The following CHN1 variants were observed in gnomAD, a reference collection of about 807,000 sequenced individuals.
CHN1 encodes the protein N-chimaerin.
Under a neutral mutation model 59.5 loss-of-function variants are expected in CHN1, and 37 were observed. The ratio of observed to expected loss-of-function variants is 0.62; its 90% confidence interval spans 0.48 to 0.82. CHN1 has a LOEUF of 0.82. Among genes scored for constraint, CHN1 ranks in the 40% least tolerant of loss-of-function variants. CHN1 has a pLI of 0.00. For missense variants in CHN1, 469 were observed against 571.0 expected (o/e 0.82, Z 1.82); for synonymous variants, 206 against 200.4 (o/e 1.03, Z -0.24).
At chr2:174,926,603 C>G (rs1689169123) in intron 3 of CHN1, among the ~76,000 whole-genome samples, 1 of 152,160 alleles carries the variant, frequency 6.6e-6, no homozygotes, top group South Asian at 2.1e-4. Flanking sequence ...AAATGCATAT[C>G]TGACTGCTTC....
Position 174,910,899 on chromosome 2 carries a change from CAAAAAAAAAAAAAAA to C in CHN1, c.260+4144_260+4158del, listed in dbSNP as rs10568066. 1.6e-4 allele frequency among the ~76,000 whole-genome samples: 12 copies of C among 76,642 alleles called. No homozygotes were observed. In the South Asian group the frequency reaches 3.0e-3, roughly 19 times the overall value. 50.3% of individuals were successfully genotyped at this position (76,642 alleles called of 152,430 possible). On this transcript the variant is annotated intron_variant, in intron 5 of 12. Transcript: ENST00000409900. ...TGGGCGACAGAACGAGACTCCGTCTCAAAAAAAAAAAAAAAAAAAAAAAAAGAGAAAGTAGATATC... is the reference window on the plus strand; with the variant it reads ...TGGGCGACAGAACGAGACTCCGTCTCAAAAAAAAAAGAGAAAGTAGATATC...
intron 3 of CHN1, among the ~76,000 whole-genome samples, chr2:174,932,724 T>A (rs1689386623): frequency 6.6e-6 from 1 of 152,146 alleles, no homozygotes; most frequent in African/African-American, 2.4e-5. Context: ...CTCACGAGAT[T>A]TGGTTGTTTA....
chr2:174,888,739 G>A (rs62183351), intron 5 of CHN1, among the ~76,000 whole-genome samples: 4,084 of 152,280 alleles, frequency 0.027, 89 homozygotes, highest in Admixed American at 0.082. Context: ...ATGGGGGAGA[G>A]CAGTGGGGAG....
At chr2:174,811,477 T>C (rs1685071924) in intron 10 of CHN1, 34 bp downstream of exon 10, 1 of 1,460,340 alleles carries the variant, frequency 6.8e-7, no homozygotes, top group Non-Finnish European at 9.5e-7. Context: ...AGAGTATTAT[T>C]GTCCTAAGTT....
chr2:174,880,134 C>T (rs1687690473), intron 5 of CHN1, among the ~76,000 whole-genome samples: 1 of 152,176 alleles, frequency 6.6e-6, no homozygotes, highest in South Asian at 2.1e-4. Context: ...CCAATTCCTG[C>T]TCCGCCTGTA....
In CHN1 at chr2:174,861,473, T is replaced by G. The variant is rs1255498571; in HGVS notation, c.550-14516A>C. Among the ~76,000 whole-genome samples the G allele has an allele frequency of 2.0e-5, 3 of 152,214 alleles. No homozygotes were observed. In the East Asian group the frequency reaches 5.8e-4, roughly 29 times the overall value. On this transcript the variant is annotated intron_variant, in intron 6 of 12. Transcript: ENST00000409900. ...GTAAGCCTCTCTGAATTCTTCAGAC[T>G]CATAGACGAGTGCCTGTCTGAATGA...
chr2:174,851,475 T>C (rs1250834675), intron 6 of CHN1, among the ~76,000 whole-genome samples: 1 of 151,884 alleles, frequency 6.6e-6, no homozygotes, highest in Non-Finnish European at 1.5e-5. Context: ...AGAGATGGAG[T>C]TTCTCCATGT....
chr2:174,802,946 G>A (rs555659232), intron 11 of CHN1, among the ~76,000 whole-genome samples: 2 of 152,296 alleles, frequency 1.3e-5, no homozygotes, highest in East Asian at 1.9e-4. Flanking sequence ...GCTGAGGCAG[G>A]AGAATTACTT....
At chr2:174,987,735 G>C (rs1189704833) in intron 1 of CHN1, among the ~76,000 whole-genome samples, 1 of 151,944 alleles carries the variant, frequency 6.6e-6, no homozygotes, top group Non-Finnish European at 1.5e-5. Flanking sequence ...TGCTTGGCAG[G>C]TTATAATATT....
intron 5 of CHN1, 35 bp downstream of exon 5, chr2:174,915,021 AAT>A: frequency 7.8e-7 from 1 of 1,281,818 alleles, no homozygotes; most frequent in Non-Finnish European, 1.1e-6. Context: ...GAGAGTTTTA[AAT>A]AAAGCACAGT....
At chr2:174,875,396 A>G (rs780866351) in intron 6 of CHN1, among the ~76,000 whole-genome samples, 2 of 152,172 alleles carry the variant, frequency 1.3e-5, no homozygotes, top group Non-Finnish European at 2.9e-5. Flanking sequence ...GGACCATATC[A>G]GGTATTCCTT....
At chr2:174,824,330 C>G (rs1054259401) in intron 8 of CHN1, 104 bp downstream of exon 8, 1 of 811,754 alleles carries the variant, frequency 1.2e-6, no homozygotes, top group African/African-American at 1.7e-5. Flanking sequence ...TAAGACCAAA[C>G]CAGGATCCAG....
chr2:174,814,959 A>AT lies in CHN1; in HGVS notation c.713-2478dup, dbSNP rs199770933. ...CACCATATTTGGGGAGTTTTCAGCT[A>AT]TTTTTTTTTTCAAATATTTTTTCAG... On this transcript the variant is annotated intron_variant, in intron 8 of 12. Transcript: ENST00000409900. Among the ~76,000 whole-genome samples, 973 of 148,556 alleles carry AT rather than the reference A, an allele frequency of 6.5e-3. 10 individuals carry two copies. Among genetic ancestry groups the AT allele is most frequent in the African/African-American group, 0.022 (897 of 40,484 alleles).
chr2:174,842,246 GGTGGT>G (rs1480424962), intron 7 of CHN1, among the ~76,000 whole-genome samples: 4 of 152,186 alleles, frequency 2.6e-5, no homozygotes, highest in Non-Finnish European at 5.9e-5. Context: ...GAGGCAAGGT[GGTGGT>G]GTGAGGGTTG....
intron 5 of CHN1, among the ~76,000 whole-genome samples, chr2:174,892,666 A>C (rs2105348401): frequency 6.6e-6 from 1 of 152,338 alleles, no homozygotes; most frequent in South Asian, 2.1e-4. Context: ...TACTACAAGA[A>C]AACTATAGAC....
chr2:174,969,435 C>T (rs1218705105), intron 1 of CHN1, among the ~76,000 whole-genome samples: 1 of 152,208 alleles, frequency 6.6e-6, no homozygotes, highest in South Asian at 2.1e-4. Flanking sequence ...CACTGACCTA[C>T]AAGACCTTGG....
chr2:174,825,574 C>G (rs1685656466), intron 7 of CHN1, among the ~76,000 whole-genome samples: 1 of 152,108 alleles, frequency 6.6e-6, no homozygotes, highest in South Asian at 2.1e-4. Context: ...TAGGTTAACT[C>G]AGACAAAAAA....
At chr2:174,966,199 G>C (rs1030244944) in intron 1 of CHN1, among the ~76,000 whole-genome samples, 6 of 152,078 alleles carry the variant, frequency 3.9e-5, no homozygotes, top group African/African-American at 1.4e-4. Flanking sequence ...AAGCAACGAA[G>C]TCATTTAAAA....
At chr2:174,881,432 G>A (rs1025013724) in intron 5 of CHN1, among the ~76,000 whole-genome samples, 2 of 152,126 alleles carry the variant, frequency 1.3e-5, no homozygotes, top group African/African-American at 4.8e-5. Context: ...TGACTTTGGG[G>A]AAATCATTCG....
Sources: allele counts gnomAD v4.1 joint callset (sites outside exome capture counted in the v4.1 genomes callset), GRCh38; gene constraint gnomAD v4.1.1; transcripts MANE v1.5; gene names NCBI Gene and HGNC (gene_info 2026-07-23, HGNC 2026-07-21).